NENF: variants seen among roughly 807,000 people sequenced by gnomAD.
NENF encodes the protein neudesin neurotrophic factor, also known as neudesin.
In NENF, 6 loss-of-function variants were observed where a neutral mutation model predicts 14.8. That is an observed-to-expected ratio of 0.40 (90% CI 0.22 to 0.80). The LOEUF is 0.80. Among genes scored for constraint, NENF ranks in the 30% least tolerant of loss-of-function variants. NENF has a pLI of 0.34. For missense variants in NENF, 184 were observed against 212.7 expected (o/e 0.87, Z 0.84); for synonymous variants, 76 against 95.1 (o/e 0.80, Z 1.17).
At chr1:212,442,649 C>T in intron 2 of NENF, 24 bp downstream of exon 2, 1 of 1,596,570 alleles carries the variant, frequency 6.3e-7, no homozygotes, top group Admixed American at 1.7e-5. Flanking sequence ...CATTTTGAAT[C>T]TTCATTTCCA....
At chr1:212,435,547 CTTTTT>C (rs58631608) in intron 1 of NENF, among the ~76,000 whole-genome samples, 2 of 132,834 alleles carry the variant, frequency 1.5e-5, no homozygotes, top group Non-Finnish European at 3.2e-5. Context: ...AGTTTTTTTC[CTTTTT>C]TTTTTTTTTT....
chr1:212,442,987 C>T (rs1451299204), intron 2 of NENF, among the ~76,000 whole-genome samples: 4 of 152,126 alleles, frequency 2.6e-5, no homozygotes, highest in South Asian at 4.1e-4. Flanking sequence ...GTGATCCACC[C>T]GCTTCGGCCT....
rs567504748 is a variant in NENF at position 212,442,711 on chromosome 1, G to A, written c.238+86G>A. 22 of 915,998 alleles carry A rather than the reference G, an allele frequency of 2.4e-5. No homozygotes were observed. The African/African-American group carries it at 3.4e-4, about 14-fold the overall frequency. 56.7% of individuals were successfully genotyped at this position (915,998 alleles called of 1,614,324 possible). ...CACTTGGAGGTGTGAGGAAAGGGAG[G>A]GAACATTAGGCAAGTCCTTTTCATT... On this transcript the variant is annotated intron_variant, in intron 2 of 3. Coordinates refer to ENST00000366988, the MANE Select transcript of NENF (RefSeq NM_013349.5).
chr1:212,435,613 A>T (rs1662591751), intron 1 of NENF, among the ~76,000 whole-genome samples: 2 of 150,900 alleles, frequency 1.3e-5, no homozygotes, highest in Non-Finnish European at 3.0e-5. Context: ...AGTGGCAGGA[A>T]CACAGCTCAC....
Position 212,433,030 on chromosome 1 carries a change from C to T in NENF, c.87C>T (p.Ala29=). 1.7e-6 allele frequency: 2 copies of T among 1,181,582 alleles called. No homozygotes were observed. The highest frequency in any genetic ancestry group is 2.1e-6 in the Non-Finnish European group (2 of 955,534). 73.2% of individuals were successfully genotyped at this position (1,181,582 alleles called of 1,614,324 possible). ...CGCTGGCCCCGGGGCTGCCCACAGC[C>T]CGGGCCGGGCAGACACCGCGCCCTG... ...VLALAPGLPT[A]RAGQTPRPAE... The change falls in exon 1 of 4, where the codon GCC becomes GCT. Residue 29 remains alanine (A), a synonymous_variant. Coordinates refer to ENST00000366988, the MANE Select transcript of NENF (RefSeq NM_013349.5). The surrounding 1 kb of genome is among the most constrained non-coding windows in gnomAD (Gnocchi z 5.5).
At chr1:212,437,319 A>G (rs1662617294) in intron 1 of NENF, among the ~76,000 whole-genome samples, 1 of 152,194 alleles carries the variant, frequency 6.6e-6, no homozygotes, top group Non-Finnish European at 1.5e-5. Flanking sequence ...AAATACTAAC[A>G]TACTTGATTA....
chr1:212,442,712 G>C, intron 2 of NENF, 87 bp downstream of exon 2: 1 of 918,096 alleles, frequency 1.1e-6, no homozygotes, highest in Non-Finnish European at 1.8e-6. Context: ...GAAAGGGAGG[G>C]AACATTAGGC....
At chr1:212,439,864 C>A (rs1174874505) in intron 1 of NENF, among the ~76,000 whole-genome samples, 1 of 150,818 alleles carries the variant, frequency 6.6e-6, no homozygotes, top group African/African-American at 2.4e-5. Context: ...CGTCCCCCCC[C>A]CACAAAAAAA....
rs539689816 is a variant in NENF at position 212,441,504 on chromosome 1, G to C, written c.178-1061G>C. Among the ~76,000 whole-genome samples, 5 of 152,334 alleles carry C rather than the reference G, an allele frequency of 3.3e-5. No homozygotes were observed. In the East Asian group the frequency reaches 9.6e-4, roughly 29 times the overall value. ...TCACTAATATAAGATGGGGCCCTAC[G>C]CCGGGCATGGTGGCTCACGTCGGTA... On this transcript the variant is annotated intron_variant, in intron 1 of 3. Coordinates refer to ENST00000366988, the MANE Select transcript of NENF (RefSeq NM_013349.5).
In NENF at chr1:212,444,441, CTG is replaced by C. The variant is rs1348949858; in HGVS notation, c.342+2_342+3del. On this transcript the variant is annotated splice_donor_variant and coding_sequence_variant, in exon 3 of 4. Transcript: ENST00000366988. LOFTEE classifies it high-confidence loss of function. ...GATCCTGCAGACCTCACCCATGACA[CTG>C]TGAGCCAGATTATAAGCCTTTGTAA... 3 of 1,590,800 alleles carry C rather than the reference CTG, an allele frequency of 1.9e-6. No individual in the cohort carries two copies. In the Admixed American group the frequency reaches 5.4e-5, roughly 28 times the overall value.
At chr1:212,443,857 A>G (rs1012111434) in intron 2 of NENF, among the ~76,000 whole-genome samples, 1 of 151,664 alleles carries the variant, frequency 6.6e-6, no homozygotes, top group African/African-American at 2.4e-5. Context: ...TAGCCTGGGC[A>G]ACATGGTGAA....
intron 1 of NENF, among the ~76,000 whole-genome samples, chr1:212,439,688 CAAAAAA>C (rs1218927992): frequency 2.8e-4 from 17 of 60,934 alleles, no homozygotes; most frequent in Middle Eastern, 0.011. Flanking sequence ...ACTAAATATA[CAAAAAA>C]AAAAAAAAAA....
Position 212,434,248 on chromosome 1 carries a change from A to G in NENF, c.177+1128A>G, listed in dbSNP as rs565413564. 2.4e-3 allele frequency among the ~76,000 whole-genome samples: 363 copies of G among 152,252 alleles called. 3 individuals are homozygous for G. The highest frequency in any genetic ancestry group is 8.3e-3 in the African/African-American group (346 of 41,534). On this transcript the variant is annotated intron_variant, in intron 1 of 3. Coordinates refer to ENST00000366988, the MANE Select transcript of NENF (RefSeq NM_013349.5). The stretch of plus-strand genomic sequence containing the variant: ...TTTTGCCGGTAGCAGAGGGAACCAG[A>G]TGGTTCAGAGTCCAGGCATCCGTGC...
At chr1:212,436,133 C>T (rs555298850) in intron 1 of NENF, among the ~76,000 whole-genome samples, 2 of 152,112 alleles carry the variant, frequency 1.3e-5, no homozygotes, top group South Asian at 4.2e-4. Context: ...CCATGCAGTT[C>T]AAACCTGTGT....
At chr1:212,441,616 C>T (rs147351434) in intron 1 of NENF, among the ~76,000 whole-genome samples, 1 of 152,272 alleles carries the variant, frequency 6.6e-6, no homozygotes, top group African/African-American at 2.4e-5. Flanking sequence ...GAAACCCCAT[C>T]TCTACTAAAA....
intron 1 of NENF, among the ~76,000 whole-genome samples, chr1:212,438,816 C>T (rs1486361128): frequency 6.6e-6 from 1 of 152,024 alleles, no homozygotes; most frequent in Non-Finnish European, 1.5e-5. Context: ...AGGTTTTCAC[C>T]ATGTTGGCCA....
intron 1 of NENF, 101 bp from the exon 2 acceptor site, chr1:212,442,464 A>G: frequency 1.1e-6 from 1 of 927,210 alleles, no homozygotes; most frequent in Non-Finnish European, 1.8e-6. Flanking sequence ...GACTTGACCC[A>G]CTGCTCTTTG....
In NENF at chr1:212,433,227, C is replaced by T. The variant is rs981255790; in HGVS notation, c.177+107C>T. 33 of 683,252 alleles carry T rather than the reference C, an allele frequency of 4.8e-5. No individual in the cohort carries two copies. The African/African-American group carries it at 6.3e-4, about 13-fold the overall frequency. 42.3% of individuals were successfully genotyped at this position (683,252 alleles called of 1,614,324 possible). A position where few individuals can be genotyped will look rare whatever the true frequency, so the allele number is the denominator to read the frequency against. On this transcript the variant is annotated intron_variant, in intron 1 of 3. Transcript: ENST00000366988. The surrounding 1 kb of genome is among the most constrained non-coding windows in gnomAD (Gnocchi z 5.5). Reference sequence around the variant, plus strand: ...GCGGCCCAGGAAGCTCTGGGGGACGCGCGGCCCGCGGCGGGCGCCCTGGGC... The same window carrying T: ...GCGGCCCAGGAAGCTCTGGGGGACGTGCGGCCCGCGGCGGGCGCCCTGGGC...
intron 1 of NENF, among the ~76,000 whole-genome samples, chr1:212,439,088 A>C (rs1326576270): frequency 2.0e-5 from 3 of 152,100 alleles, no homozygotes; most frequent in Non-Finnish European, 4.4e-5. Flanking sequence ...TACTGATAAG[A>C]CCATTCCTCT....
Sources: gnomAD v4.1 joint callset for allele counts (sites outside exome capture counted in the v4.1 genomes callset) on GRCh38, gnomAD v4.1.1 for gene constraint, Gnocchi (gnomAD v3.1) non-coding constraint, MANE v1.5 for transcripts, NCBI Gene and HGNC (gene_info 2026-07-23, HGNC 2026-07-21) for gene names.